The following NTN1 variants were observed in gnomAD, a reference collection of about 807,000 sequenced individuals.
NTN1 encodes the protein netrin 1, also known as netrin-1.
Under a neutral mutation model 54.2 loss-of-function variants are expected in NTN1, and 11 were observed. The ratio of observed to expected loss-of-function variants is 0.20; its 90% confidence interval spans 0.13 to 0.34. The LOEUF (loss-of-function observed/expected upper bound fraction) is 0.34, where lower values mean the gene tolerates loss of function less well. Ranked by LOEUF, NTN1 falls within the 10% of genes least tolerant of loss-of-function variation. The pLI is 1.00. For missense variants in NTN1, 740 were observed against 893.1 expected, an observed-to-expected ratio of 0.83 and a Z score of 2.18; for synonymous variants, 371 against 382.0, an observed-to-expected ratio of 0.97 and a Z score of 0.33.
intron 5 of NTN1, among the ~76,000 whole-genome samples, chr17:9,204,189 T>TTCCC (rs1198222769): frequency 6.9e-6 from 1 of 144,650 alleles, no homozygotes; most frequent in Non-Finnish European, 1.5e-5. Flanking sequence ...CCTTCCTTCC[T>TTCCC]TCCCTCCTTC....
Position 9,022,346 on chromosome 17 carries a change from G to T in NTN1, c.-28G>T, listed in dbSNP as rs1157583776. 2 of 1,274,164 alleles carry T rather than the reference G, an allele frequency of 1.6e-6. No individual in the cohort carries two copies. The highest frequency in any genetic ancestry group is 3.0e-5 in the South Asian group (1 of 33,834). 78.9% of individuals were successfully genotyped at this position (1,274,164 alleles called of 1,614,324 possible). ...CGGCAGGCGGACAGATCCTCGGCGC[G>T]GCAGGGCCGGGGCAAGCTGGACGCA... On this transcript the variant is annotated 5_prime_UTR_variant, in exon 2 of 7. Transcript: ENST00000173229.
chr17:9,205,397 G>A (rs982430099), intron 5 of NTN1, among the ~76,000 whole-genome samples: 2 of 152,266 alleles, frequency 1.3e-5, no homozygotes, highest in African/African-American at 4.8e-5. Flanking sequence ...GGAGGCCAGA[G>A]CAGGAGGATC....
intron 5 of NTN1, among the ~76,000 whole-genome samples, chr17:9,202,957 T>C (rs1345920761): frequency 6.6e-6 from 1 of 152,232 alleles, no homozygotes; most frequent in Non-Finnish European, 1.5e-5. Context: ...AGTCTCTCTC[T>C]GTCGGCCAGG....
At chr17:9,120,621 G>A (rs556899626) in intron 2 of NTN1, among the ~76,000 whole-genome samples, 1 of 152,166 alleles carries the variant, frequency 6.6e-6, no homozygotes, top group Non-Finnish European at 1.5e-5. Context: ...CTTTGGTGAT[G>A]ACTTCAGTGC....
At chr17:9,085,064 G>A (rs1447819342) in intron 2 of NTN1, among the ~76,000 whole-genome samples, 1 of 152,220 alleles carries the variant, frequency 6.6e-6, no homozygotes, top group Non-Finnish European at 1.5e-5. Context: ...GAAGTGAGCT[G>A]TGTGACTTGG....
chr17:9,238,369 G>A (rs528731167), intron 6 of NTN1, among the ~76,000 whole-genome samples: 13 of 152,298 alleles, frequency 8.5e-5, no homozygotes, highest in Admixed American at 6.5e-4. Context: ...AAGGTGTTTC[G>A]CCCAGTGAAG....
the NTN1 span, among the ~76,000 whole-genome samples, chr17:9,013,875 A>G: frequency 1.3e-5 from 2 of 152,184 alleles, no homozygotes; most frequent in East Asian, 1.9e-4. Context: ...CTACACAGTG[A>G]CCCATTTTCT....
At chr17:9,225,360 C>T (rs990897882) in intron 6 of NTN1, among the ~76,000 whole-genome samples, 1 of 152,152 alleles carries the variant, frequency 6.6e-6, no homozygotes, top group Non-Finnish European at 1.5e-5. Context: ...AGGGATTTCA[C>T]GGGCCTCTGC....
At position 9,022,354 on chromosome 17, in the gene NTN1, C is replaced by A; in HGVS notation, c.-20C>A. ...GGACAGATCCTCGGCGCGGCAGGGC[C>A]GGGGCAAGCTGGACGCAGCATGATG... is the stretch of plus-strand genomic sequence containing the variant. On this transcript the variant is annotated 5_prime_UTR_variant, in exon 2 of 7. Coordinates refer to ENST00000173229, the MANE Select transcript of NTN1 (RefSeq NM_004822.3). 7.8e-7 allele frequency: 1 copy of A among 1,282,368 alleles called. No homozygotes were observed. The highest frequency in any genetic ancestry group is 2.8e-5 in the South Asian group (1 of 35,898). 79.4% of individuals were successfully genotyped at this position (1,282,368 alleles called of 1,614,324 possible).
the NTN1 span, among the ~76,000 whole-genome samples, chr17:9,013,818 C>T: frequency 6.6e-6 from 1 of 152,162 alleles, no homozygotes; most frequent in Non-Finnish European, 1.5e-5. Context: ...TCTTTGCACC[C>T]TTTGTTCCTT....
Position 9,135,597 on chromosome 17 carries a change from C to G in NTN1, c.1019-27216C>G, listed in dbSNP as rs1341403484. On this transcript the variant is annotated intron_variant, in intron 2 of 6. Coordinates refer to ENST00000173229, the MANE Select transcript of NTN1 (RefSeq NM_004822.3). This position sits in a 1 kb window ranked among gnomAD's most constrained non-coding sequence, Gnocchi z 4.4. Reference sequence around the variant, plus strand: ...GCCCATTGGCTTCCCCTTGAATTGTCACGATGGCCCAGCACTGTTGGGTTC... The same window carrying G: ...GCCCATTGGCTTCCCCTTGAATTGTGACGATGGCCCAGCACTGTTGGGTTC... Among the ~76,000 whole-genome samples the G allele has an allele frequency of 2.0e-5, 3 of 152,240 alleles. No homozygotes were observed. Among genetic ancestry groups the G allele is most frequent in the African/African-American group, 7.2e-5 (3 of 41,462 alleles).
chr17:9,108,818 C>T (rs779118504), intron 2 of NTN1, among the ~76,000 whole-genome samples: 1 of 152,178 alleles, frequency 6.6e-6, no homozygotes, highest in Non-Finnish European at 1.5e-5. Context: ...ACAGTATTCT[C>T]CTTCACAGGA....
chr17:9,134,501 T>C (rs1162891505), intron 2 of NTN1, among the ~76,000 whole-genome samples: 6 of 152,192 alleles, frequency 3.9e-5, no homozygotes, highest in Non-Finnish European at 8.8e-5. Flanking sequence ...CCTGGAACTT[T>C]AACAGAACTA....
chr17:9,086,761 C>T (rs2142229086), intron 2 of NTN1, among the ~76,000 whole-genome samples: 1 of 152,196 alleles, frequency 6.6e-6, no homozygotes, highest in South Asian at 2.1e-4. Context: ...TCATGACTGT[C>T]CTGTCATCTT....
At chr17:9,057,957 A>G (rs1162991020) in intron 2 of NTN1, among the ~76,000 whole-genome samples, 2 of 152,202 alleles carry the variant, frequency 1.3e-5, no homozygotes, top group African/African-American at 2.4e-5. Context: ...GCACGATCTC[A>G]GCTCACTGCA....
intron 2 of NTN1, among the ~76,000 whole-genome samples, chr17:9,110,114 A>C (rs1339657776): frequency 2.0e-5 from 3 of 152,046 alleles, no homozygotes; most frequent in Non-Finnish European, 4.4e-5. Flanking sequence ...GCTTCATCAA[A>C]TGCTTAAACG....
At chr17:9,029,348 C>T (rs1012863778) in intron 2 of NTN1, among the ~76,000 whole-genome samples, 6 of 152,140 alleles carry the variant, frequency 3.9e-5, no homozygotes, top group Admixed American at 1.3e-4. Flanking sequence ...TTTACACAAA[C>T]GGGACTAAGT....
chr17:9,081,397 G>A (rs370375702), intron 2 of NTN1, among the ~76,000 whole-genome samples: 2 of 152,066 alleles, frequency 1.3e-5, no homozygotes, highest in Non-Finnish European at 2.9e-5. Context: ...AATCTTTGAC[G>A]TCTCAACCAG....
chr17:9,155,121 C>G (rs147972015), intron 2 of NTN1, among the ~76,000 whole-genome samples: 1 of 152,190 alleles, frequency 6.6e-6, no homozygotes, highest in East Asian at 1.9e-4. Context: ...TCCAGAAGAA[C>G]GGCCTCCTTG....
Sources: gnomAD v4.1 joint callset for allele counts (sites outside exome capture counted in the v4.1 genomes callset) on GRCh38, gnomAD v4.1.1 for gene constraint, Gnocchi (gnomAD v3.1) non-coding constraint, MANE v1.5 for transcripts, NCBI Gene and HGNC (gene_info 2026-07-23, HGNC 2026-07-21) for gene names.